MTERF4: variants seen among roughly 807,000 people sequenced by gnomAD.
MTERF4 encodes transcription termination factor 4, mitochondrial.
A neutral mutation model predicts 22.5 loss-of-function variants in MTERF4; 17 were observed. That is an observed-to-expected ratio of 0.75 (90% CI 0.52 to 1.13). MTERF4 has a LOEUF of 1.13. Ranked by LOEUF, MTERF4 falls within the 50% of genes most tolerant of loss-of-function variation. The probability of loss-of-function intolerance (pLI) is 0.00; values close to 1 mark genes in which losing one functional copy is unlikely to be tolerated. For missense variants in MTERF4, 420 were observed against 466.8 expected (o/e 0.90, Z 0.92); for synonymous variants, 165 against 175.3 (o/e 0.94, Z 0.47).
chr2:241,063,744 T>G, the MTERF4 span: 1 of 1,356,546 alleles, frequency 7.4e-7, no homozygotes, highest in Non-Finnish European at 1.0e-6. Context: ...AGCCTGGGCC[T>G]CTGGAAGATC....
downstream of MTERF4, chr2:241,095,192 G>A (rs1410313657): frequency 2.6e-5 from 4 of 152,588 alleles, no homozygotes; most frequent in South Asian, 2.1e-4. Context: ...CAGGGCAGGG[G>A]AGATAACTGT....
chr2:241,082,497 C>A, downstream of MTERF4: 1 of 634,818 alleles, frequency 1.6e-6, no homozygotes, highest in Non-Finnish European at 2.8e-6. Flanking sequence ...CTTGCTTTGA[C>A]CATCGATTCC....
At chr2:241,061,304 T>C in the MTERF4 span, among the ~76,000 whole-genome samples, 1 of 152,076 alleles carries the variant, frequency 6.6e-6, no homozygotes, top group African/African-American at 2.4e-5. Context: ...GAAATGCAAA[T>C]CAAAAGTGCA....
At chr2:241,044,314 C>CT in the MTERF4 span, among the ~76,000 whole-genome samples, 1,308 of 152,280 alleles carry the variant, frequency 8.6e-3, 5 homozygotes, top group African/African-American at 0.02. Flanking sequence ...AGAACCCACT[C>CT]TAAGTATAAA....
chr2:241,045,911 C>T, the MTERF4 span, among the ~76,000 whole-genome samples: 14 of 152,096 alleles, frequency 9.2e-5, no homozygotes, highest in Non-Finnish European at 1.5e-4. Flanking sequence ...TCATACCCAA[C>T]AAAGGACTTG....
chr2:241,073,124 G>A lies in MTERF4; in HGVS notation n.3038C>T. 1.6e-6 allele frequency: 1 copy of A among 630,916 alleles called. No individual in the cohort carries two copies. The highest frequency in any genetic ancestry group is 2.8e-6 in the Non-Finnish European group (1 of 360,170). 39.1% of individuals were successfully genotyped at this position (630,916 alleles called of 1,614,324 possible). On this transcript the variant is annotated non_coding_transcript_exon_variant, in exon 5 of 5. Transcript: ENST00000464344. The surrounding 1 kb of genome is among the most constrained non-coding windows in gnomAD (Gnocchi z 6.6). ...GGGGAGGCAGCTCTGGGGCCGACAG[G>A]TGCTGGGGCCACGCAGGGAGCCTGG... is the stretch of plus-strand genomic sequence containing the variant.
At chr2:241,062,907 AAG>A in the MTERF4 span, 1 of 1,583,198 alleles carries the variant, frequency 6.3e-7, no homozygotes, top group South Asian at 1.1e-5. Context: ...TGAGCTGGGT[AAG>A]AGGGGCCCTG....
chr2:241,082,748 T>A (rs961672256), downstream of MTERF4, among the ~76,000 whole-genome samples: 1 of 152,204 alleles, frequency 6.6e-6, no homozygotes, highest in Non-Finnish European at 1.5e-5. Flanking sequence ...CCGGCCCCAG[T>A]TCTGCCATTA....
the MTERF4 span, chr2:241,052,497 T>G: frequency 6.8e-7 from 1 of 1,474,042 alleles, no homozygotes; most frequent in African/African-American, 1.6e-5. Context: ...TCAAGCAGGG[T>G]ACATGGGATA....
downstream of MTERF4, chr2:241,089,481 G>A (rs2063768271): frequency 2.6e-6 from 4 of 1,513,624 alleles, no homozygotes; most frequent in East Asian, 2.5e-5. Flanking sequence ...ACCCCCTTGG[G>A]GGAAAGGTCT....
chr2:241,046,348 A>G, the MTERF4 span, among the ~76,000 whole-genome samples: 1 of 152,252 alleles, frequency 6.6e-6, no homozygotes, highest in African/African-American at 2.4e-5. Context: ...ACACAAATCC[A>G]TATACAGATG....
chr2:241,088,996 A>G, downstream of MTERF4: 1 of 289,970 alleles, frequency 3.4e-6, no homozygotes, highest in Non-Finnish European at 6.4e-6. Context: ...CTGACGTGAA[A>G]GGAACTTCCT....
chr2:241,077,035 C>CAT (rs2063058797), intron 4 of MTERF4, among the ~76,000 whole-genome samples: 1 of 151,060 alleles, frequency 6.6e-6, no homozygotes, highest in East Asian at 1.9e-4. Flanking sequence ...GCTGAGATTG[C>CAT]GCCACTGCAC....
chr2:241,094,847 TG>T (rs937921037), downstream of MTERF4: 1 of 164,014 alleles, frequency 6.1e-6, no homozygotes, highest in African/African-American at 2.4e-5. This position sits in a 1 kb window ranked among gnomAD's most constrained non-coding sequence, Gnocchi z 4.3. Context: ...TCATCAAAAA[TG>T]CCTTCTGCAT....
At chr2:241,047,689 AGGCCCCT>A in the MTERF4 span, among the ~76,000 whole-genome samples, 2 of 152,240 alleles carry the variant, frequency 1.3e-5, no homozygotes, top group Non-Finnish European at 2.9e-5. Flanking sequence ...AAACGTTTGG[AGGCCCCT>A]GGCCCCTGGG....
At chr2:241,055,393 T>C in the MTERF4 span, among the ~76,000 whole-genome samples, 1 of 152,320 alleles carries the variant, frequency 6.6e-6, no homozygotes, top group South Asian at 2.1e-4. Context: ...AATCAGGTCA[T>C]GTACAAAGGA....
Position 241,096,499 on chromosome 2 carries a change from T to C in MTERF4, c.706-61A>G. 6.3e-7 allele frequency: 1 copy of C among 1,575,734 alleles called. No individual in the cohort carries two copies. The highest frequency in any genetic ancestry group is 1.1e-5 in the South Asian group (1 of 89,814). ...CAGAGTATTGAAACCTATCATTCTA[T>C]AAACCATAAAAACTTAAGTTGTACA... On this transcript the variant is annotated intron_variant, in intron 3 of 3. Transcript: ENST00000391980. The surrounding 1 kb of genome is among the most constrained non-coding windows in gnomAD (Gnocchi z 5.1).
At chr2:241,076,467 C>T (rs1239989231) in intron 4 of MTERF4, among the ~76,000 whole-genome samples, 1 of 152,190 alleles carries the variant, frequency 6.6e-6, no homozygotes, top group Non-Finnish European at 1.5e-5. Context: ...CCTTTGCATA[C>T]TGACCTTATA....
the MTERF4 span, chr2:241,052,486 A>G: frequency 0.064 from 92,175 of 1,446,120 alleles, 5,716 homozygotes; most frequent in East Asian, 0.27. Context: ...GGTCAGGGGG[A>G]TCAAGCAGGG....
Sources: allele counts gnomAD v4.1 joint callset (sites outside exome capture counted in the v4.1 genomes callset), GRCh38; gene constraint gnomAD v4.1.1; non-coding constraint Gnocchi (gnomAD v3.1); transcripts MANE v1.5; gene names NCBI Gene and HGNC (gene_info 2026-07-23, HGNC 2026-07-21).